The following ATP11B variants were observed in gnomAD, a reference collection of about 807,000 sequenced individuals.
ATP11B encodes the protein phospholipid-transporting ATPase IF.
ATP11B carries 81 observed loss-of-function variants against 157.8 expected under a neutral mutation model. The ratio of observed to expected loss-of-function variants is 0.51; its 90% CI spans 0.43 to 0.62. The LOEUF (loss-of-function observed/expected upper bound fraction) is 0.62. Ranked by LOEUF, ATP11B falls within the 20% of genes least tolerant of loss-of-function variation. The probability of loss-of-function intolerance (pLI) is 0.00; values close to 1 mark genes in which losing one functional copy is unlikely to be tolerated. For synonymous variants in ATP11B, 451 were observed against 469.4 expected, an observed-to-expected ratio of 0.96 and a Z score of 0.51; for missense variants, 1,165 against 1,402.2, an observed-to-expected ratio of 0.83 and a Z score of 2.70.
chr3:182,799,362 C>T (rs780021140), intron 1 of ATP11B, among the ~76,000 whole-genome samples: 2 of 151,460 alleles, frequency 1.3e-5, no homozygotes, highest in Non-Finnish European at 2.9e-5. Context: ...ACTGCAAGTT[C>T]GCCTCCTGGG....
chr3:182,911,080 T>A (rs1724748538), intron 28 of ATP11B, among the ~76,000 whole-genome samples: 1 of 152,158 alleles, frequency 6.6e-6, no homozygotes, highest in African/African-American at 2.4e-5. Flanking sequence ...TAATAGTGTT[T>A]ATGGATCAGC....
At chr3:182,807,611 CAAA>C (rs1325530393) in intron 1 of ATP11B, among the ~76,000 whole-genome samples, 1 of 152,044 alleles carries the variant, frequency 6.6e-6, no homozygotes, top group East Asian at 1.9e-4. Context: ...AGAATTGCAG[CAAA>C]GAGATAAGGT....
At position 182,836,432 on chromosome 3, in the gene ATP11B, G is replaced by A. The variant is rs375858738; in HGVS notation, c.514G>A (p.Val172Ile). Residue 172 changes from valine to isoleucine, a missense_variant, in exon 6 of 30, where the codon GTT becomes ATT. Val to Ile is a conservative substitution (Grantham distance 29). This residue lies in a region of ATP11B where 737 missense variants were observed against 930.5 expected (regional missense o/e 0.79). Transcript: ENST00000323116. ...AGATCGACTGGATGGTTCCTGTCAC[G>A]TTACAACTGCTAGTTTGGACGGAGA... ...SSDRLDGSCH[V>I]TTASLDGETN... is the part of the protein sequence containing the mutation. The A allele has an allele frequency of 6.8e-6, 11 of 1,613,784 alleles. No homozygotes were observed. Among genetic ancestry groups the A allele is most frequent in the Middle Eastern group, 1.6e-4 (1 of 6,084 alleles).
chr3:182,804,226 G>A (rs972058439), intron 1 of ATP11B, among the ~76,000 whole-genome samples: 1 of 151,714 alleles, frequency 6.6e-6, no homozygotes, highest in Non-Finnish European at 1.5e-5. Context: ...AATAACATAG[G>A]AATTTAGATT....
intron 25 of ATP11B, among the ~76,000 whole-genome samples, chr3:182,890,140 A>G (rs1471218509): frequency 2.6e-5 from 4 of 152,152 alleles, no homozygotes; most frequent in Admixed American, 2.6e-4. Flanking sequence ...TAAACAGTAC[A>G]CTGTTACACT....
At chr3:182,800,253 A>G (rs1715907562) in intron 1 of ATP11B, among the ~76,000 whole-genome samples, 1 of 151,904 alleles carries the variant, frequency 6.6e-6, no homozygotes, top group East Asian at 1.9e-4. Context: ...ATAAGGCCTC[A>G]CTTTGTCTCC....
At chr3:182,917,858 T>C (rs1222177165) in intron 29 of ATP11B, 165 bp from the exon 30 acceptor site, 1 of 981,514 alleles carries the variant, frequency 1.0e-6, no homozygotes, top group Non-Finnish European at 1.2e-6. Flanking sequence ...TTATATAATA[T>C]AAATAGAAAG....
Position 182,866,384 on chromosome 3 carries a change from G to A in ATP11B, c.1560G>A (p.Ser520=), listed in dbSNP as rs941554570. The change falls in exon 14 of 30, where the codon TCG becomes TCA. Residue 520 remains serine (S), a synonymous_variant. Coordinates refer to ENST00000323116, the MANE Select transcript of ATP11B (RefSeq NM_014616.3). ...DGPWQSNLAP[S]QLEYYASSPD... is the part of the protein sequence containing the mutation. Reference sequence around the variant, plus strand: ...CCTGGCAATCCAACCTGGCACCATCGCAGTTGGAGTACTATGCATCTTCAC... The same window carrying A: ...CCTGGCAATCCAACCTGGCACCATCACAGTTGGAGTACTATGCATCTTCAC... The A allele has an allele frequency of 2.2e-5, 35 of 1,613,556 alleles. No homozygotes were observed. Among genetic ancestry groups the A allele is most frequent in the Non-Finnish European group, 2.8e-5 (33 of 1,179,786 alleles).
intron 29 of ATP11B, chr3:182,917,020 C>T: frequency 3.0e-6 from 3 of 985,272 alleles, no homozygotes; most frequent in Non-Finnish European, 3.6e-6. Context: ...TGAACAAGTC[C>T]TTCCCTAACC....
At chr3:182,806,916 T>C (rs751209504) in intron 1 of ATP11B, among the ~76,000 whole-genome samples, 1 of 152,128 alleles carries the variant, frequency 6.6e-6, no homozygotes. Context: ...CTGATTCTTA[T>C]CCGGCTATTC....
intron 17 of ATP11B, among the ~76,000 whole-genome samples, chr3:182,871,920 A>G (rs967478681): frequency 6.6e-6 from 1 of 151,704 alleles, no homozygotes; most frequent in Non-Finnish European, 1.5e-5. Flanking sequence ...GGTTCACGCC[A>G]TTCTCCTGCC....
At chr3:182,838,366 T>C (rs1718723273) in intron 7 of ATP11B, among the ~76,000 whole-genome samples, 1 of 151,882 alleles carries the variant, frequency 6.6e-6, no homozygotes, top group Non-Finnish European at 1.5e-5. Flanking sequence ...AACTAAGAAC[T>C]AAGCAAGCAT....
At chr3:182,840,854 A>G (rs1378375072) in intron 7 of ATP11B, among the ~76,000 whole-genome samples, 1 of 152,224 alleles carries the variant, frequency 6.6e-6, no homozygotes, top group Non-Finnish European at 1.5e-5. Context: ...CTGTTCTCAC[A>G]AAAGCAGTCA....
intron 21 of ATP11B, among the ~76,000 whole-genome samples, chr3:182,882,667 A>C (rs1445120864): frequency 1.3e-5 from 2 of 152,198 alleles, no homozygotes; most frequent in Non-Finnish European, 2.9e-5. Flanking sequence ...TTTGAGGACA[A>C]CACCAAAGCA....
At chr3:182,910,151 A>G (rs1724679681) in intron 28 of ATP11B, among the ~76,000 whole-genome samples, 1 of 151,644 alleles carries the variant, frequency 6.6e-6, no homozygotes, top group South Asian at 2.1e-4. Context: ...CATACAAACT[A>G]TATATTCACA....
intron 12 of ATP11B, among the ~76,000 whole-genome samples, chr3:182,860,047 C>T (rs995964592): frequency 6.6e-6 from 1 of 151,768 alleles, no homozygotes; most frequent in Admixed American, 6.6e-5. Flanking sequence ...TCAGCTGTCA[C>T]TCTGGACTTC....
chr3:182,898,330 A>C (rs1199020246), intron 27 of ATP11B, among the ~76,000 whole-genome samples: 1 of 152,112 alleles, frequency 6.6e-6, no homozygotes, highest in East Asian at 1.9e-4. Flanking sequence ...TGGTCCCTTA[A>C]GTCTGTATTA....
chr3:182,797,474 G>A lies in ATP11B; in HGVS notation c.27+3688G>A, dbSNP rs1262340647. On this transcript the variant is annotated intron_variant, in intron 1 of 29. Coordinates refer to ENST00000323116, the MANE Select transcript of ATP11B (RefSeq NM_014616.3). The stretch of plus-strand genomic sequence containing the variant: ...TGTAATCCCAGTACTTTGGGAGGCC[G>A]AGACAGGCAGATCACCTGAGGTCAG... Among the ~76,000 whole-genome samples, 6 of 152,144 alleles carry A rather than the reference G, an allele frequency of 3.9e-5. No individual in the cohort carries two copies. The East Asian group carries it at 5.8e-4, about 15-fold the overall frequency.
intron 18 of ATP11B, among the ~76,000 whole-genome samples, chr3:182,873,373 A>C (rs1193931039): frequency 6.6e-6 from 1 of 152,068 alleles, no homozygotes; most frequent in Non-Finnish European, 1.5e-5. Context: ...GAGATTTCTG[A>C]GACTCACCTA....
Sources: allele counts gnomAD v4.1 joint callset (sites outside exome capture counted in the v4.1 genomes callset), GRCh38; gene constraint gnomAD v4.1.1; regional missense constraint gnomAD v4.1.1; transcripts MANE v1.5; gene names NCBI Gene and HGNC (gene_info 2026-07-23, HGNC 2026-07-21).